Variants in DSC2 observed in about 807,000 individuals in gnomAD.
The protein encoded by DSC2 is desmocollin 2.
Under a neutral mutation model 87.6 loss-of-function variants are expected in DSC2, and 51 were observed. The observed-to-expected ratio is 0.58, with a 90% CI of 0.46 to 0.74. The LOEUF (loss-of-function observed/expected upper bound fraction) is 0.74, where lower values mean the gene tolerates loss of function less well. Among genes scored for constraint, DSC2 ranks in the 30% least tolerant of loss-of-function variants. The pLI is 0.00. For missense variants in DSC2, 1,066 were observed against 1,089.5 expected, an observed-to-expected ratio of 0.98 and a Z score of 0.30; for synonymous variants, 383 against 393.2, an observed-to-expected ratio of 0.97 and a Z score of 0.31.
rs149935417 is a variant in DSC2, at chr18:31,088,227, C to T, written c.631-414G>A. On this transcript the variant is annotated intron_variant, in intron 5 of 15. Coordinates refer to ENST00000280904, the MANE Select transcript of DSC2 (RefSeq NM_024422.6). ...GGGATCCTGTAGGATTACCCAGGTA[C>T]AGTTAACTGGGATATTATCCTATTT... 4.1e-4 allele frequency among the ~76,000 whole-genome samples: 63 copies of T among 152,236 alleles called. 1 individual carries two copies. In the East Asian group the frequency reaches 0.012, roughly 28 times the overall value.
intron 11 of DSC2, among the ~76,000 whole-genome samples, chr18:31,076,661 G>T (rs966590954): frequency 6.6e-6 from 1 of 152,068 alleles, no homozygotes; most frequent in African/African-American, 2.4e-5. Context: ...AGACAGAATG[G>T]CAGAGAAGCA....
At chr18:31,090,078 T>TAA (rs879687699) in intron 4 of DSC2, among the ~76,000 whole-genome samples, 5 of 146,606 alleles carry the variant, frequency 3.4e-5, no homozygotes, top group Non-Finnish European at 6.0e-5. Context: ...AGGAACTGAG[T>TAA]AAAAAAAAAA....
chr18:31,082,858 A>G (rs994459360), intron 8 of DSC2, 68 bp downstream of exon 8: 2 of 1,566,560 alleles, frequency 1.3e-6, no homozygotes, highest in African/African-American at 2.7e-5. Context: ...GCGCCAGGCC[A>G]GAGATGTGCA....
At chr18:31,090,616 C>T (rs1987560205) in intron 4 of DSC2, among the ~76,000 whole-genome samples, 2 of 152,100 alleles carry the variant, frequency 1.3e-5, no homozygotes, top group African/African-American at 2.4e-5. Context: ...AATGTGGATC[C>T]AGTGTGATTT....
Position 31,091,028 on chromosome 18 carries a change from CT to C in DSC2, c.473del (p.Gln158ArgfsTer16), listed in dbSNP as rs1064795963. ...SLGPFPLFLQ[Q>X]VQSDTAQNYT... ...ACAGCAGAAAGAAAGAAAACGGTAC[CT>C]GTTGAAGGAAAAGTGGAAAAGGACC... On this transcript the variant is annotated frameshift_variant and splice_region_variant, in exon 4 of 16. Transcript: ENST00000280904. LOFTEE classifies it high-confidence loss of function. The C allele has an allele frequency of 6.2e-7, 1 of 1,613,778 alleles. No individual in the cohort carries two copies. The highest frequency in any genetic ancestry group is 1.3e-5 in the African/African-American group (1 of 74,874).
intron 12 of DSC2, among the ~76,000 whole-genome samples, chr18:31,073,930 T>G (rs1326357715): frequency 6.6e-6 from 1 of 152,186 alleles, no homozygotes; most frequent in East Asian, 1.9e-4. Flanking sequence ...AGAGGAGAGA[T>G]AACGTGGTGG....
chr18:31,066,004 A>T lies in DSC2; in HGVS notation c.*2011T>A, dbSNP rs1286003390. On this transcript the variant is annotated 3_prime_UTR_variant, in exon 16 of 16. Coordinates refer to ENST00000280904, the MANE Select transcript of DSC2 (RefSeq NM_024422.6). ...TTTAAAATCATTTATTATTATCAGG[A>T]GTGCCTTTTAGGTGGACCGCTCTGT... 2 of 152,162 alleles carry T rather than the reference A, an allele frequency of 1.3e-5. No individual in the cohort carries two copies. Among genetic ancestry groups the T allele is most frequent in the African/African-American group, 4.8e-5 (2 of 41,428 alleles). 9.4% of individuals were successfully genotyped at this position (152,162 alleles called of 1,614,324 possible).
At chr18:31,070,359 G>T (rs1006987938) in intron 14 of DSC2, among the ~76,000 whole-genome samples, 1 of 152,154 alleles carries the variant, frequency 6.6e-6, no homozygotes, top group Non-Finnish European at 1.5e-5. Flanking sequence ...TTTTATTGTT[G>T]CCAGAAAATG....
At chr18:31,090,991 C>G (rs1001380410) in intron 4 of DSC2, 37 bp downstream of exon 4, 2 of 1,613,620 alleles carry the variant, frequency 1.2e-6, no homozygotes, top group South Asian at 1.1e-5. Flanking sequence ...GAGATGGAAA[C>G]TATAGACTCC....
intron 11 of DSC2, among the ~76,000 whole-genome samples, chr18:31,075,696 C>T (rs1287325441): frequency 6.6e-6 from 1 of 151,970 alleles, no homozygotes; most frequent in African/African-American, 2.4e-5. Context: ...ACTAAAAATA[C>T]AAAATTAGCC....
intron 13 of DSC2, 60 bp downstream of exon 13, chr18:31,071,545 G>C: frequency 6.6e-7 from 1 of 1,519,894 alleles, no homozygotes; most frequent in Non-Finnish European, 9.1e-7. Context: ...AAAACAAAAA[G>C]TGTCTTGAAA....
Position 31,093,660 on chromosome 18 carries a change from A to T in DSC2, c.70-17T>A. 6.5e-7 allele frequency: 1 copy of T among 1,531,652 alleles called. No individual in the cohort carries two copies. Among genetic ancestry groups the T allele is most frequent in the Non-Finnish European group, 8.9e-7 (1 of 1,125,420 alleles). The allele number at this position is 1,531,652 out of a possible 1,614,324, so 94.9% of individuals were successfully genotyped here. On this transcript the variant is annotated splice_polypyrimidine_tract_variant and intron_variant, in intron 1 of 15. Transcript: ENST00000280904. ...TATTAAGATCTAAAAAATGAAAAAAAATCAAATAAATATTATGCATAAAAA... is the reference window on the plus strand; with the variant it reads ...TATTAAGATCTAAAAAATGAAAAAATATCAAATAAATATTATGCATAAAAA...
At position 31,060,877 on chromosome 18, in the gene DSC2, A is replaced by G. The variant is rs1040557881; in HGVS notation, c.*7138T>C. ...AGACATTGTGAAATTTTACTCATCAATGTGTTTCAACTCTTTGGTACATTT... is the reference window on the plus strand; with the variant it reads ...AGACATTGTGAAATTTTACTCATCAGTGTGTTTCAACTCTTTGGTACATTT... On this transcript the variant is annotated 3_prime_UTR_variant, in exon 16 of 16. Transcript: ENST00000280904. The G allele has an allele frequency of 6.6e-6, 1 of 152,154 alleles. No individual in the cohort carries two copies. The highest frequency in any genetic ancestry group is 1.5e-5 in the Non-Finnish European group (1 of 68,028). The allele number at this position is 152,154 out of a possible 1,614,324, so 9.4% of individuals were successfully genotyped here.
Position 31,102,319 on chromosome 18 carries a change from A to C in DSC2, c.-348T>G. On this transcript the variant is annotated 5_prime_UTR_variant, in exon 1 of 16. An upstream open reading frame in the 5' UTR loses its in-frame stop. Coordinates refer to ENST00000280904, the MANE Select transcript of DSC2 (RefSeq NM_024422.6). ...CTTTTACCTGCGCAAGGTGTTTCTC[A>C]CCAGCGGACGCCACCTATAAGGCCC... is the stretch of plus-strand genomic sequence containing the variant. The C allele has an allele frequency of 4.5e-6, 1 of 222,568 alleles. No individual in the cohort carries two copies. Among genetic ancestry groups the C allele is most frequent in the East Asian group, 9.3e-5 (1 of 10,708 alleles). 13.8% of individuals were successfully genotyped at this position (222,568 alleles called of 1,614,324 possible).
At chr18:31,086,523 A>G (rs757015684) in intron 7 of DSC2, 53 bp downstream of exon 7, 26 of 1,597,918 alleles carry the variant, frequency 1.6e-5, no homozygotes, top group Non-Finnish European at 2.2e-5. Flanking sequence ...GGAGTTATAC[A>G]GGTACTATTG....
intron 5 of DSC2, among the ~76,000 whole-genome samples, chr18:31,089,124 C>T (rs1410608181): frequency 6.9e-6 from 1 of 144,558 alleles, no homozygotes; most frequent in Non-Finnish European, 1.5e-5. Flanking sequence ...GAGATTACGC[C>T]ACTGCACTTC....
At chr18:31,071,439 C>A (rs1457900903) in intron 13 of DSC2, among the ~76,000 whole-genome samples, 166 bp downstream of exon 13, 2 of 152,166 alleles carry the variant, frequency 1.3e-5, no homozygotes, top group East Asian at 1.9e-4. Context: ...CCCAGCTACT[C>A]GGGAGGCTGA....
rs780797095 is a variant in DSC2, at chr18:31,080,241, T to C, written c.1375A>G (p.Thr459Ala). The C allele has an allele frequency of 1.2e-6, 2 of 1,614,106 alleles. No individual in the cohort carries two copies. Among genetic ancestry groups the C allele is most frequent in the African/African-American group, 1.3e-5 (1 of 75,040 alleles). Reference protein sequence around the residue: ...PRSAMSTATVTVNVEDQDEGP... With the variant: ...PRSAMSTATVAVNVEDQDEGP... The stretch of plus-strand genomic sequence containing the variant: ...TCATCCTGATCTTCTACATTAACAG[T>C]AACTGTTGCTGTGCTCATGGCTGAT... The change falls in exon 10 of 16, where the codon ACT (threonine) becomes GCT (alanine). Residue 459 changes from threonine (T) to alanine (A), a missense_variant. By Grantham distance (58) the Thr-to-Ala change is moderately conservative. Coordinates refer to ENST00000280904, the MANE Select transcript of DSC2 (RefSeq NM_024422.6).
rs143183083 is a variant in DSC2, at chr18:31,075,280, T to A, written c.1664-373A>T. Among the ~76,000 whole-genome samples, 758 of 152,074 alleles carry A rather than the reference T, an allele frequency of 5.0e-3. 12 individuals carry two copies. Among genetic ancestry groups the A allele is most frequent in the African/African-American group, 0.017 (696 of 41,454 alleles). ...ATACACACCCGTGATCTGGAGACAA[T>A]GACAGGGAAGGTAGACAGGTAGAAA... On this transcript the variant is annotated intron_variant, in intron 11 of 15. Transcript: ENST00000280904.
Sources: allele counts gnomAD v4.1 joint callset (sites outside exome capture counted in the v4.1 genomes callset), GRCh38; gene constraint gnomAD v4.1.1; transcripts MANE v1.5; gene names NCBI Gene and HGNC (gene_info 2026-07-23, HGNC 2026-07-21).